ZNF718: variants seen among roughly 807,000 people sequenced by gnomAD.
The protein encoded by ZNF718 is zinc finger protein 718.
Under a neutral mutation model 2.6 loss-of-function variants are expected in ZNF718, and 3 were observed. The observed-to-expected ratio is 1.16, with a 90% CI of 0.53 to 3.01. The LOEUF (loss-of-function observed/expected upper bound fraction) is 3.01, where lower values mean the gene tolerates loss of function less well. ZNF718 is among the 30% of genes most tolerant of loss of function. The pLI, the probability that ZNF718 is intolerant of heterozygous loss-of-function variation, is 0.03. For missense variants in ZNF718, 468 were observed against 230.0 expected (o/e 2.03, Z -6.69); for synonymous variants, 135 against 77.9 (o/e 1.73, Z -3.86).
intron 3 of ZNF718, among the ~76,000 whole-genome samples, chr4:134,688 A>G (rs1464261056): frequency 6.6e-5 from 10 of 151,906 alleles, no homozygotes; most frequent in African/African-American, 1.7e-4. Context: ...TAAATTTACT[A>G]TGATTAAATT....
At chr4:137,202 G>T (rs1715606054) in intron 3 of ZNF718, among the ~76,000 whole-genome samples, 1 of 151,806 alleles carries the variant, frequency 6.6e-6, no homozygotes, top group South Asian at 2.1e-4. Context: ...TATGCTTCCT[G>T]TACAGCCTGC....
intron 3 of ZNF718, among the ~76,000 whole-genome samples, chr4:176,529 C>G (rs1254968127): frequency 6.6e-6 from 1 of 152,088 alleles, no homozygotes; most frequent in African/African-American, 2.4e-5. Context: ...CTATTAATAC[C>G]CCACAAGCTT....
At chr4:185,394 C>T (rs1717547513) in intron 3 of ZNF718, among the ~76,000 whole-genome samples, 1 of 152,062 alleles carries the variant, frequency 6.6e-6, no homozygotes, top group South Asian at 2.1e-4. Context: ...GTTTTTTGCA[C>T]TTGCTGAGGC....
rs375947334 is a variant in ZNF718, at chr4:124,687, G to A, written c.3+14G>A. On this transcript the variant is annotated intron_variant, in intron 1 of 3. Coordinates refer to ENST00000510175, the MANE Select transcript of ZNF718 (RefSeq NM_001039127.6). ...AGTCGGGAAATGGTGAGTGTGCAGG[G>A]CAGGGCGTCCCAAGGCTGTGGAGGC... 3 of 1,609,262 alleles carry A rather than the reference G, an allele frequency of 1.9e-6. No homozygotes were observed. Among genetic ancestry groups the A allele is most frequent in the Non-Finnish European group, 1.7e-6 (2 of 1,179,660 alleles).
chr4:157,362 C>T (rs1191280210), intron 3 of ZNF718, among the ~76,000 whole-genome samples: 1 of 152,022 alleles, frequency 6.6e-6, no homozygotes, highest in Non-Finnish European at 1.5e-5. Context: ...GATCCACCCA[C>T]CTCGGCCTCT....
chr4:131,179 C>T (rs1715341614), intron 2 of ZNF718, among the ~76,000 whole-genome samples: 1 of 104,350 alleles, frequency 9.6e-6, no homozygotes, highest in Admixed American at 1.0e-4. Context: ...TCTTTCACAT[C>T]TTAACATGCA....
Position 135,732 on chromosome 4 carries a change from T to TTA in ZNF718, c.226+4235_226+4236dup, listed in dbSNP as rs1303050207. On this transcript the variant is annotated intron_variant, in intron 3 of 3. Coordinates refer to ENST00000510175, the MANE Select transcript of ZNF718 (RefSeq NM_001039127.6). The stretch of plus-strand genomic sequence containing the variant: ...GAGTTTTTGTTCATTTACTCTAGAG[T>TTA]TATATATATGTGCATGATTATATAA... Among the ~76,000 whole-genome samples the TTA allele has an allele frequency of 2.1e-4, 16 of 77,634 alleles. 4 individuals carry two copies. Among genetic ancestry groups the TTA allele is most frequent in the Admixed American group, 5.5e-4 (3 of 5,438 alleles). The allele number at this position is 77,634 out of a possible 152,430, so 50.9% of individuals were successfully genotyped here.
At chr4:194,502 C>G (rs1381890527) in intron 3 of ZNF718, among the ~76,000 whole-genome samples, 1 of 152,208 alleles carries the variant, frequency 6.6e-6, no homozygotes, top group Non-Finnish European at 1.5e-5. Flanking sequence ...TCTTTTTCCT[C>G]TGTTGTTATC....
chr4:199,341 C>A (rs553127691), intron 3 of ZNF718, among the ~76,000 whole-genome samples: 17 of 152,326 alleles, frequency 1.1e-4, no homozygotes, highest in African/African-American at 4.1e-4. Flanking sequence ...AAATTAATAT[C>A]TGTGCAGCAT....
intron 3 of ZNF718, among the ~76,000 whole-genome samples, chr4:173,133 C>T (rs1331455504): frequency 6.6e-6 from 1 of 151,988 alleles, no homozygotes; most frequent in Non-Finnish European, 1.5e-5. Flanking sequence ...TAGAAATTGC[C>T]CTTTGGTACT....
At chr4:169,422 CGTT>C (rs1217448264) in intron 3 of ZNF718, among the ~76,000 whole-genome samples, 2 of 152,194 alleles carry the variant, frequency 1.3e-5, no homozygotes, top group South Asian at 2.1e-4. Context: ...CTTTCTGTCT[CGTT>C]GATCTGTCTA....
chr4:148,886 C>A (rs143887489), intron 3 of ZNF718, among the ~76,000 whole-genome samples: 7 of 152,250 alleles, frequency 4.6e-5, no homozygotes, highest in Admixed American at 1.3e-4. Flanking sequence ...TGATCTATAG[C>A]TATGTTTACA....
intron 3 of ZNF718, among the ~76,000 whole-genome samples, chr4:156,602 CTA>C (rs1384355823): frequency 6.6e-6 from 1 of 152,098 alleles, no homozygotes; most frequent in Non-Finnish European, 1.5e-5. Flanking sequence ...TAAAATCACT[CTA>C]CACATTAAAA....
chr4:180,813 A>G (rs1553819719), intron 3 of ZNF718, among the ~76,000 whole-genome samples: 2 of 152,356 alleles, frequency 1.3e-5, no homozygotes, highest in East Asian at 3.9e-4. Flanking sequence ...AACATTTTAC[A>G]TGCCACTTAG....
intron 3 of ZNF718, among the ~76,000 whole-genome samples, chr4:172,694 G>T (rs907829647): frequency 2.6e-5 from 4 of 152,214 alleles, no homozygotes; most frequent in Middle Eastern, 6.8e-3. Flanking sequence ...ACCATTCTTA[G>T]TAAAAATTTA....
chr4:200,591 GT>G (rs1196356789), intron 3 of ZNF718, among the ~76,000 whole-genome samples: 2 of 151,660 alleles, frequency 1.3e-5, no homozygotes, highest in African/African-American at 2.4e-5. Flanking sequence ...TTTTGTTTTT[GT>G]TTTTTTTAGA....
intron 1 of ZNF718, among the ~76,000 whole-genome samples, chr4:128,305 G>A (rs1182258846): frequency 9.6e-6 from 1 of 103,818 alleles, no homozygotes; most frequent in Admixed American, 1.0e-4. Flanking sequence ...TCCAGATCTT[G>A]TTCAGTGACC....
intron 3 of ZNF718, among the ~76,000 whole-genome samples, chr4:184,371 G>A (rs1160586370): frequency 1.3e-5 from 2 of 152,164 alleles, no homozygotes; most frequent in Non-Finnish European, 2.9e-5. Context: ...CTTGGTCATG[G>A]TGGATAAGCT....
downstream of ZNF718, among the ~76,000 whole-genome samples, chr4:167,186 C>A (rs1717108727): frequency 6.6e-6 from 1 of 151,990 alleles, no homozygotes; most frequent in Non-Finnish European, 1.5e-5. Context: ...TTTTTGAGGG[C>A]TCTGTTCTGT....
Sources: allele counts gnomAD v4.1 joint callset (sites outside exome capture counted in the v4.1 genomes callset), GRCh38; gene constraint gnomAD v4.1.1; transcripts MANE v1.5; gene names NCBI Gene and HGNC (gene_info 2026-07-23, HGNC 2026-07-21).